BMP7: variants seen among roughly 807,000 people sequenced by gnomAD.
BMP7 encodes the protein bone morphogenetic protein 7.
Under a neutral mutation model 41.2 loss-of-function variants are expected in BMP7, and 12 were observed. The ratio of observed to expected loss-of-function variants is 0.29; its 90% CI spans 0.19 to 0.47. The LOEUF is 0.47. BMP7 is among the 20% of genes least tolerant of loss of function. BMP7 has a pLI of 0.99. For synonymous variants in BMP7, 248 were observed against 250.0 expected, an observed-to-expected ratio of 0.99 and a Z score of 0.07; for missense variants, 467 against 606.0, an observed-to-expected ratio of 0.77 and a Z score of 2.41.
Position 57,265,931 on chromosome 20 carries a change from C to A in BMP7, c.192G>T (p.Leu64Phe). The change falls in exon 1 of 7, where the codon TTG (leucine) becomes TTT (phenylalanine). Residue 64 changes from leucine (L) to phenylalanine (F), a missense_variant. By Grantham distance (22) the Leu-to-Phe change is conservative. Around this residue, in one of 2 missense-constraint regions of BMP7, gnomAD observed 407 missense variants for 485.9 expected, o/e 0.84. Transcript: ENST00000395863. ...MQREILSILG[L>F]PHRPRPHLQG... ...GGAGGTGCGGGCGCGGGCGGTGGGG[C>A]AAGCCCAAAATGGAGAGGATCTCGC... 1 of 1,559,096 alleles carries A rather than the reference C, an allele frequency of 6.4e-7. No homozygotes were observed. Among genetic ancestry groups the A allele is most frequent in the African/African-American group, 1.4e-5 (1 of 73,578 alleles).
At chr20:57,187,249 G>T (rs944635960) in intron 3 of BMP7, 1 of 152,254 alleles carries the variant, frequency 6.6e-6, no homozygotes, top group Non-Finnish European at 1.5e-5. Context: ...GCTGAGAGAG[G>T]CAAGTTGTAT....
rs1041957263 is a variant in BMP7 at position 57,259,332 on chromosome 20, G to T, written c.418+6373C>A. 4.6e-5 allele frequency among the ~76,000 whole-genome samples: 7 copies of T among 152,246 alleles called. No individual in the cohort carries two copies. The highest frequency in any genetic ancestry group is 1.7e-4 in the African/African-American group (7 of 41,460). On this transcript the variant is annotated intron_variant, in intron 1 of 6. Transcript: ENST00000395863. This position sits in a 1 kb window ranked among gnomAD's most constrained non-coding sequence, Gnocchi z 4.7. ...GTGAAGCCCTTTATAGAAAGCCGCG[G>T]TTGGCAGCCCCCGCTCCTGCATGGG...
intron 2 of BMP7, chr20:57,225,729 A>T (rs2066003391): frequency 3.6e-6 from 1 of 279,082 alleles, no homozygotes; most frequent in South Asian, 3.9e-5. Context: ...TAACCATTTA[A>T]CTTCTGAAGA....
At chr20:57,208,673 A>C (rs1166484007) in intron 2 of BMP7, among the ~76,000 whole-genome samples, 1 of 152,234 alleles carries the variant, frequency 6.6e-6, no homozygotes, top group African/African-American at 2.4e-5. Context: ...AAAGGTAGAA[A>C]CAGCCAAAGT....
intron 2 of BMP7, among the ~76,000 whole-genome samples, chr20:57,218,356 G>A (rs1985082543): frequency 6.6e-6 from 1 of 150,582 alleles, no homozygotes; most frequent in Non-Finnish European, 1.5e-5. Context: ...CTGGGTTTGA[G>A]CACCACCTCG....
At chr20:57,184,009 C>A in intron 3 of BMP7, 90 bp from the exon 4 acceptor site, 1 of 1,383,514 alleles carries the variant, frequency 7.2e-7, no homozygotes, top group East Asian at 2.4e-5. Context: ...CCTCCCGGTT[C>A]ATTCATGAAC....
At chr20:57,263,971 A>G (rs973917245) in intron 1 of BMP7, among the ~76,000 whole-genome samples, 1 of 152,056 alleles carries the variant, frequency 6.6e-6, no homozygotes, top group Non-Finnish European at 1.5e-5. Flanking sequence ...ACAAGCACAC[A>G]TGCAGCCCAC....
At chr20:57,265,653 G>C (rs1865702039) in intron 1 of BMP7, 52 bp downstream of exon 1, 2 of 1,558,892 alleles carry the variant, frequency 1.3e-6, no homozygotes, top group Non-Finnish European at 1.7e-6. Context: ...CTCCCTCCCA[G>C]TCTCAAAGTG....
rs1364413445 is a variant in BMP7, at chr20:57,265,871, C to T, written c.252G>A (p.Leu84=). The T allele has an allele frequency of 1.9e-6, 3 of 1,605,092 alleles. No homozygotes were observed. Among genetic ancestry groups the T allele is most frequent in the Non-Finnish European group, 2.6e-6 (3 of 1,176,110 alleles). ...CCACCGCCATGGCGTTGTACAGGTC[C>T]AGCATGAACATGGGTGCCGAGTTGT... is the stretch of plus-strand genomic sequence containing the variant. ...GKHNSAPMFM[L]DLYNAMAVEE... Residue 84 remains leucine (L), a synonymous_variant, in exon 1 of 7, where the codon CTG becomes CTA. Coordinates refer to ENST00000395863, the MANE Select transcript of BMP7 (RefSeq NM_001719.3).
chr20:57,218,072 G>A (rs540507579), intron 2 of BMP7, among the ~76,000 whole-genome samples: 1 of 152,358 alleles, frequency 6.6e-6, no homozygotes, highest in East Asian at 1.9e-4. Flanking sequence ...CCGGCTTCAT[G>A]GGCATCTGAC....
chr20:57,225,924 G>A (rs1183164561), intron 2 of BMP7: 3 of 471,156 alleles, frequency 6.4e-6, no homozygotes, highest in African/African-American at 6.0e-5. Context: ...GTTCGTTCTG[G>A]TCGATGCCCT....
chr20:57,201,782 T>C (rs947981783), intron 3 of BMP7, among the ~76,000 whole-genome samples: 6 of 152,194 alleles, frequency 3.9e-5, no homozygotes, highest in African/African-American at 1.4e-4. Context: ...GGGGAAAAAT[T>C]AGCATAGAGA....
intron 5 of BMP7, 176 bp from the exon 6 acceptor site, chr20:57,173,486 A>T: frequency 1.5e-6 from 1 of 687,864 alleles, no homozygotes; most frequent in Middle Eastern, 3.7e-4. Flanking sequence ...GTGGCCTCTC[A>T]TGGTCCCAAA....
At chr20:57,192,710 GT>G (rs564383354) in intron 3 of BMP7, among the ~76,000 whole-genome samples, 107 of 148,676 alleles carry the variant, frequency 7.2e-4, no homozygotes, top group Non-Finnish European at 1.3e-3. Flanking sequence ...AGGTTTAATA[GT>G]TTTTTTTTAA....
intron 2 of BMP7, among the ~76,000 whole-genome samples, chr20:57,226,725 G>A (rs997486857): frequency 3.3e-5 from 5 of 152,172 alleles, no homozygotes; most frequent in South Asian, 2.1e-4. Context: ...ACTGGCATCA[G>A]GGACCACCTC....
intron 2 of BMP7, among the ~76,000 whole-genome samples, chr20:57,216,601 T>C (rs941071628): frequency 4.1e-5 from 6 of 145,352 alleles, no homozygotes; most frequent in Admixed American, 1.3e-4. Flanking sequence ...CGAGGGGCTG[T>C]CTCCTGAGGG....
chr20:57,209,251 A>ATT lies in BMP7; in HGVS notation c.612-6629_612-6628insAA, dbSNP rs1404504942. Among the ~76,000 whole-genome samples, 17 of 61,668 alleles carry ATT rather than the reference A, an allele frequency of 2.8e-4. No individual in the cohort carries two copies. In the African/African-American group the frequency reaches 2.9e-3, roughly 11 times the overall value. The allele number at this position is 61,668 out of a possible 152,430, so 40.5% of individuals were successfully genotyped here. A position where few individuals can be genotyped will look rare whatever the true frequency, so the allele number is the denominator to read the frequency against. On this transcript the variant is annotated intron_variant, in intron 2 of 6. Transcript: ENST00000395863. The stretch of plus-strand genomic sequence containing the variant: ...CAAATACCTAGATTTATATATTTTT[A>ATT]TATATATATATATATATATATATAT...
intron 2 of BMP7, among the ~76,000 whole-genome samples, chr20:57,221,080 C>T (rs1985179027): frequency 6.6e-6 from 1 of 152,168 alleles, no homozygotes; most frequent in South Asian, 2.1e-4. Flanking sequence ...ATGTGCCAGG[C>T]TCTAGGCAAA....
At chr20:57,173,665 A>C in intron 5 of BMP7, 1 of 364,420 alleles carries the variant, frequency 2.7e-6, no homozygotes, top group Non-Finnish European at 5.2e-6. Context: ...AAAATGAAGG[A>C]AAGCCCCACG....
Sources: allele counts gnomAD v4.1 joint callset (sites outside exome capture counted in the v4.1 genomes callset), GRCh38; gene constraint gnomAD v4.1.1; regional missense constraint gnomAD v4.1.1; non-coding constraint Gnocchi (gnomAD v3.1); transcripts MANE v1.5; gene names NCBI Gene and HGNC (gene_info 2026-07-23, HGNC 2026-07-21).